CSMD1: variants seen among roughly 807,000 people sequenced by gnomAD.
CSMD1 encodes CUB and sushi domain-containing protein 1.
A neutral mutation model predicts 417.5 loss-of-function variants in CSMD1; 213 were observed. The ratio of observed to expected loss-of-function variants is 0.51; its 90% confidence interval spans 0.46 to 0.57. CSMD1 has a LOEUF of 0.57. Ranked by LOEUF, CSMD1 falls within the 20% of genes least tolerant of loss-of-function variation. CSMD1 has a pLI of 0.00. For synonymous variants in CSMD1, 2,862 were observed against 1,736.8 expected (o/e 1.65, Z -16.11); for missense variants, 6,923 against 4,529.7 (o/e 1.53, Z -15.17).
intron 1 of CSMD1, among the ~76,000 whole-genome samples, chr8:4,850,382 C>CTTTTGTTTAAAATTTTTT (rs1801395894): frequency 1.3e-5 from 1 of 77,826 alleles, no homozygotes; most frequent in African/African-American, 5.2e-5. Flanking sequence ...TCCAATTTAT[C>CTTTTGTTTAAAATTTTTT]TTTTTTTTTT....
intron 6 of CSMD1, among the ~76,000 whole-genome samples, chr8:3,727,360 G>T (rs1158861564): frequency 6.6e-6 from 1 of 152,160 alleles, no homozygotes; most frequent in Non-Finnish European, 1.5e-5. Context: ...TACCTACAGA[G>T]GGTGCCAGAG....
At chr8:4,510,216 G>T (rs553753618) in intron 2 of CSMD1, among the ~76,000 whole-genome samples, 1 of 151,828 alleles carries the variant, frequency 6.6e-6, no homozygotes, top group African/African-American at 2.4e-5. Flanking sequence ...GGTCTCTCCA[G>T]CCATGTGGAA....
chr8:4,116,822 G>A (rs1478145117), intron 3 of CSMD1, among the ~76,000 whole-genome samples: 1 of 129,852 alleles, frequency 7.7e-6, no homozygotes, highest in African/African-American at 2.8e-5. Flanking sequence ...AAAAAATAGG[G>A]TCTATTAAAA....
chr8:3,706,152 C>A (rs1199038004), intron 7 of CSMD1, among the ~76,000 whole-genome samples: 1 of 152,212 alleles, frequency 6.6e-6, no homozygotes, highest in South Asian at 2.1e-4. Flanking sequence ...CTATGGAAGG[C>A]TCCTAAGGTG....
chr8:4,337,927 C>T (rs140014912), intron 3 of CSMD1, among the ~76,000 whole-genome samples: 5 of 152,248 alleles, frequency 3.3e-5, no homozygotes, highest in East Asian at 1.9e-4. Flanking sequence ...AATCGTTTAT[C>T]ATTTAATGAT....
intron 17 of CSMD1, among the ~76,000 whole-genome samples, chr8:3,389,158 T>C (rs552670537): frequency 6.6e-6 from 1 of 152,304 alleles, no homozygotes; most frequent in East Asian, 1.9e-4. Flanking sequence ...TGTGCAGGTT[T>C]GTTACATTGG....
chr8:4,988,292 T>C (rs940677163), intron 1 of CSMD1, among the ~76,000 whole-genome samples: 2 of 152,222 alleles, frequency 1.3e-5, no homozygotes, highest in African/African-American at 4.8e-5. Flanking sequence ...AAGATGCAAG[T>C]ATCAAAGTAT....
intron 7 of CSMD1, among the ~76,000 whole-genome samples, chr8:3,647,240 G>A (rs887603138): frequency 6.6e-6 from 1 of 152,104 alleles, no homozygotes; most frequent in Non-Finnish European, 1.5e-5. Context: ...CTTCAGCAAG[G>A]GATGAGTAAC....
intron 4 of CSMD1, among the ~76,000 whole-genome samples, chr8:4,021,439 A>G (rs1174319198): frequency 6.6e-6 from 1 of 152,158 alleles, no homozygotes; most frequent in Non-Finnish European, 1.5e-5. Flanking sequence ...GCACTGCTCT[A>G]ATTACTAAGG....
chr8:3,468,787 T>C lies in CSMD1; in HGVS notation c.1486A>G (p.Met496Val). Residue 496 changes from methionine (M) to valine (V), a missense_variant, in exon 12 of 70, where the codon ATG becomes GTG. Coordinates refer to ENST00000635120, the MANE Select transcript of CSMD1 (RefSeq NM_033225.6). The part of the protein sequence containing the change: ...GSSVPDLIVS[M>V]SNQMWLHLQS... ...AGATGTAGCCACATCTGGTTGCTCA[T>C]GCTCACAATGAGGTCAGGAACACTG... 1.9e-6 allele frequency: 3 copies of C among 1,604,516 alleles called. No individual in the cohort carries two copies. The highest frequency in any genetic ancestry group is 2.6e-6 in the Non-Finnish European group (3 of 1,175,628).
intron 3 of CSMD1, among the ~76,000 whole-genome samples, chr8:4,137,591 GGTTT>G (rs1803514972): frequency 7.6e-6 from 1 of 130,986 alleles, no homozygotes; most frequent in Non-Finnish European, 1.8e-5. Context: ...GGAACTGGTT[GGTTT>G]GTAAGATACA....
chr8:3,356,842 G>C (rs1233314015), intron 21 of CSMD1, among the ~76,000 whole-genome samples: 1 of 152,190 alleles, frequency 6.6e-6, no homozygotes, highest in Non-Finnish European at 1.5e-5. Flanking sequence ...CAGGGAATGA[G>C]GGACTCTGAT....
At chr8:3,934,646 G>T (rs1018238639) in intron 5 of CSMD1, among the ~76,000 whole-genome samples, 2 of 152,032 alleles carry the variant, frequency 1.3e-5, no homozygotes, top group African/African-American at 4.8e-5. Context: ...CTCAGGTCAG[G>T]AGTTCGAGAC....
Position 3,560,259 on chromosome 8 carries a change from C to A in CSMD1, c.1344+14686G>T, listed in dbSNP as rs539988356. Among the ~76,000 whole-genome samples, 7 of 152,182 alleles carry A rather than the reference C, an allele frequency of 4.6e-5. No individual in the cohort carries two copies. In the East Asian group the frequency reaches 1.4e-3, roughly 29 times the overall value. On this transcript the variant is annotated intron_variant, in intron 10 of 69. Transcript: ENST00000635120. ...TAGAAGGATAATATTAACAGTAGTA[C>A]TGTTAATTACTTAGAAGCATTTCCA...
At chr8:3,267,192 A>C (rs1410370995) in intron 26 of CSMD1, among the ~76,000 whole-genome samples, 1 of 152,148 alleles carries the variant, frequency 6.6e-6, no homozygotes, top group Admixed American at 6.6e-5. Flanking sequence ...GAGAGGGGTC[A>C]GAATTCCCAG....
chr8:3,423,567 T>C (rs1037341257), intron 12 of CSMD1, among the ~76,000 whole-genome samples: 1 of 152,212 alleles, frequency 6.6e-6, no homozygotes, highest in Non-Finnish European at 1.5e-5. Flanking sequence ...CATTTGTCTA[T>C]CTTATCACCA....
intron 5 of CSMD1, among the ~76,000 whole-genome samples, chr8:3,889,817 T>C (rs1439588370): frequency 6.6e-6 from 1 of 152,072 alleles, no homozygotes; most frequent in African/African-American, 2.4e-5. Flanking sequence ...TGCAAATTCT[T>C]TATTTCTCTT....
chr8:4,198,774 T>G (rs868017323), intron 3 of CSMD1, among the ~76,000 whole-genome samples: 1 of 152,170 alleles, frequency 6.6e-6, no homozygotes, highest in South Asian at 2.1e-4. Context: ...AATACTATTC[T>G]AAGAGTTCAT....
At position 4,994,515 on chromosome 8, in the gene CSMD1, GGAGA is replaced by G. The variant is rs1432778245; in HGVS notation, c.-103_-100del. On this transcript the variant is annotated 5_prime_UTR_variant, in exon 1 of 70. An upstream open reading frame in the 5' UTR gains an earlier in-frame stop. Coordinates refer to ENST00000635120, the MANE Select transcript of CSMD1 (RefSeq NM_033225.6). ...TAATCACCCGAGGGCAAGGCGAGCC[GGAGA>G]GAGAGCCCGGTCCCAAGACCCGCCG... The G allele has an allele frequency of 8.9e-7, 1 of 1,118,298 alleles. No individual in the cohort carries two copies. The allele number at this position is 1,118,298 out of a possible 1,614,324, so 69.3% of individuals were successfully genotyped here. A position where few individuals can be genotyped will look rare whatever the true frequency, so the allele number is the denominator to read the frequency against.
Sources: allele counts gnomAD v4.1 joint callset (sites outside exome capture counted in the v4.1 genomes callset), GRCh38; gene constraint gnomAD v4.1.1; transcripts MANE v1.5; gene names NCBI Gene and HGNC (gene_info 2026-07-23, HGNC 2026-07-21).